The following ZNF44 variants were observed in gnomAD, a reference collection of about 807,000 sequenced individuals.
The protein encoded by ZNF44 is zinc finger protein 44.
In ZNF44, 9 loss-of-function variants were observed where a neutral mutation model predicts 11.7. That is an observed-to-expected ratio of 0.77 (90% CI 0.46 to 1.35). ZNF44 has a LOEUF of 1.35. ZNF44 is among the 40% of genes most tolerant of loss of function. ZNF44 has a pLI of 0.00. For synonymous variants in ZNF44, 224 were observed against 242.7 expected (o/e 0.92, Z 0.72); for missense variants, 696 against 743.1 (o/e 0.94, Z 0.74).
chr19:12,254,473 C>A (rs1022557061), intron 5 of ZNF44, among the ~76,000 whole-genome samples: 4 of 152,214 alleles, frequency 2.6e-5, no homozygotes, highest in African/African-American at 9.6e-5. Context: ...GTGGCTCACA[C>A]GTGCAATCCC....
rs1312638667 is a variant in ZNF44, at chr19:12,274,056, C to T, written c.199G>A (p.Val67Met). Residue 67 changes from valine to methionine, a missense_variant, in exon 4 of 4, where the codon GTG becomes ATG. Physicochemically the swap from Val to Met is conservative, Grantham distance 21. Transcript: ENST00000355684. Reference protein sequence around the residue: ...QNLRRNPRCDVVERFGKSKDG... With the variant: ...QNLRRNPRCDMVERFGKSKDG... ...TTACTTTTACCAAATCTCTCTACCACATCACACCTGTAAAAAATGAAAAGT... is the reference window on the plus strand; with the variant it reads ...TTACTTTTACCAAATCTCTCTACCATATCACACCTGTAAAAAATGAAAAGT... 3.1e-6 allele frequency: 5 copies of T among 1,602,260 alleles called. No homozygotes were observed. Among genetic ancestry groups the T allele is most frequent in the African/African-American group, 1.3e-5 (1 of 74,410 alleles).
At chr19:12,294,087 AAG>A (rs1220772285) in intron 1 of ZNF44, among the ~76,000 whole-genome samples, 1 of 152,182 alleles carries the variant, frequency 6.6e-6, no homozygotes, top group African/African-American at 2.4e-5. Flanking sequence ...AGAGTTGCTC[AAG>A]AGTCGTCTAA....
At chr19:12,269,381 G>A (rs184218169), downstream of ZNF44, among the ~76,000 whole-genome samples, 1 of 152,132 alleles carries the variant, frequency 6.6e-6, no homozygotes, top group Non-Finnish European at 1.5e-5. Context: ...AATTAGCCAG[G>A]CATGGCGGCG....
intron 1 of ZNF44, among the ~76,000 whole-genome samples, chr19:12,236,581 T>G (rs554175747): frequency 2.0e-5 from 3 of 152,170 alleles, no homozygotes; most frequent in Admixed American, 2.0e-4. Flanking sequence ...AACTGAACTC[T>G]CAGCCTGCAA....
intron 7 of ZNF44, among the ~76,000 whole-genome samples, chr19:12,248,896 CTTTTT>C (rs372194020): frequency 7.2e-6 from 1 of 138,644 alleles, no homozygotes; most frequent in African/African-American, 2.6e-5. Flanking sequence ...ATGGGTTTCT[CTTTTT>C]TTTTTTTTTT....
At chr19:12,242,234 G>T (rs1255144685), upstream of ZNF44, among the ~76,000 whole-genome samples, 1 of 152,120 alleles carries the variant, frequency 6.6e-6, no homozygotes, top group East Asian at 1.9e-4. Context: ...AAGGCCGGGT[G>T]CGGTGGCTCA....
intron 1 of ZNF44, 64 bp from the exon 2 acceptor site, chr19:12,276,146 A>C (rs754254671): frequency 1.0e-5 from 16 of 1,560,660 alleles, no homozygotes; most frequent in East Asian, 2.5e-5. Flanking sequence ...ACCTATACTC[A>C]CCTTCATAAA....
chr19:12,241,522 T>C (rs1235713627), upstream of ZNF44, among the ~76,000 whole-genome samples: 4 of 152,158 alleles, frequency 2.6e-5, no homozygotes, highest in East Asian at 7.7e-4. Context: ...GGTGAAACCC[T>C]GTCTCTACTA....
chr19:12,248,154 G>T (rs773836531), exon 8 of ZNF44: 1 of 1,305,016 alleles, frequency 7.7e-7, no homozygotes, highest in South Asian at 1.2e-5. Context: ...TGCTCGAGCA[G>T]AATGGCGGTA....
chr19:12,240,227 T>C (rs1208447696), upstream of ZNF44, among the ~76,000 whole-genome samples: 1 of 151,910 alleles, frequency 6.6e-6, no homozygotes, highest in Non-Finnish European at 1.5e-5. Context: ...GCAGATCACT[T>C]GAGGTCAAGA....
intron 5 of ZNF44, among the ~76,000 whole-genome samples, chr19:12,255,032 TG>T (rs1378537095): frequency 1.3e-5 from 2 of 149,802 alleles, no homozygotes; most frequent in Non-Finnish European, 3.0e-5. Context: ...GAGGTTGTGG[TG>T]AACCAAGATC....
intron 5 of ZNF44, among the ~76,000 whole-genome samples, chr19:12,259,399 GAT>G (rs1914713897): frequency 1.3e-5 from 2 of 152,162 alleles, no homozygotes; most frequent in South Asian, 4.1e-4. Context: ...TTTATCAACT[GAT>G]ACAGATGTTA....
intron 3 of ZNF44, among the ~76,000 whole-genome samples, chr19:12,274,707 T>C (rs981735345): frequency 4.6e-5 from 7 of 151,922 alleles, no homozygotes; most frequent in Non-Finnish European, 4.4e-5. Flanking sequence ...AGTGCTGGGA[T>C]TGCGGGCATG....
chr19:12,240,227 TGAGGTCAA>T (rs572595505), upstream of ZNF44, among the ~76,000 whole-genome samples: 294 of 152,028 alleles, frequency 1.9e-3, 1 homozygote, highest in African/African-American at 6.6e-3. Context: ...GCAGATCACT[TGAGGTCAA>T]GAGTTCAAGA....
In ZNF44 at chr19:12,253,934, G is replaced by A. The variant is rs74839138; in HGVS notation, c.1913-3566C>T. On this transcript the variant is annotated intron_variant and NMD_transcript_variant, in intron 5 of 7. Coordinates refer to the ZNF44 transcript ENST00000393337. ...GCAGGGGTTACAGTGGGCCCAGATC[G>A]CACCACTGCACTCCAGCCTGGGTGA... Among the ~76,000 whole-genome samples, 493 of 152,200 alleles carry A rather than the reference G, an allele frequency of 3.2e-3. 11 individuals carry two copies. In the East Asian group the frequency reaches 0.055, roughly 17 times the overall value.
intron 1 of ZNF44, among the ~76,000 whole-genome samples, chr19:12,294,314 T>C (rs551680891): frequency 6.6e-6 from 1 of 152,236 alleles, no homozygotes; most frequent in South Asian, 2.1e-4. Context: ...GAGGCGGATC[T>C]AGGGTGTCCT....
At chr19:12,274,242 A>G (rs1159926255) in intron 3 of ZNF44, among the ~76,000 whole-genome samples, 179 bp from the exon 4 acceptor site, 1 of 147,044 alleles carries the variant, frequency 6.8e-6, no homozygotes, top group Admixed American at 6.8e-5. Flanking sequence ...CAAGACAATG[A>G]TATGCACATG....
At chr19:12,248,083 T>A in exon 8 of ZNF44, 1 of 1,318,128 alleles carries the variant, frequency 7.6e-7, no homozygotes, top group Non-Finnish European at 1.0e-6. Context: ...ACAGAAGATA[T>A]GTAGGTTTTT....
chr19:12,249,302 G>A (rs1307948993), intron 7 of ZNF44, among the ~76,000 whole-genome samples: 2 of 151,182 alleles, frequency 1.3e-5, no homozygotes, highest in Admixed American at 6.6e-5. Context: ...TCAGGAGATC[G>A]AGACCATCCT....
Sources: gnomAD v4.1 joint callset for allele counts (sites outside exome capture counted in the v4.1 genomes callset) on GRCh38, gnomAD v4.1.1 for gene constraint, MANE v1.5 for transcripts, NCBI Gene and HGNC (gene_info 2026-07-23, HGNC 2026-07-21) for gene names.